The following ROBO1 variants were observed in gnomAD, a reference collection of about 807,000 sequenced individuals.
The protein encoded by ROBO1 is roundabout guidance receptor 1, also known as roundabout homolog 1.
Under a neutral mutation model 195.9 loss-of-function variants are expected in ROBO1, and 149 were observed. That is an observed-to-expected ratio of 0.76 (90% CI 0.67 to 0.87). The LOEUF is 0.87. Ranked by LOEUF, ROBO1 falls within the 40% of genes least tolerant of loss-of-function variation. The probability of loss-of-function intolerance (pLI) is 0.00; values close to 1 mark genes in which losing one functional copy is unlikely to be tolerated. For missense variants in ROBO1, 1,933 were observed against 2,068.3 expected (o/e 0.93, Z 1.27); for synonymous variants, 816 against 733.2 (o/e 1.11, Z -1.82).
chr3:78,911,717 T>G (rs1456113408), intron 4 of ROBO1, among the ~76,000 whole-genome samples: 1 of 152,006 alleles, frequency 6.6e-6, no homozygotes, highest in East Asian at 1.9e-4. Flanking sequence ...TTGTCAAATT[T>G]TTTCCAGTTT....
intron 2 of ROBO1, among the ~76,000 whole-genome samples, chr3:79,227,691 A>C (rs1181147396): frequency 6.6e-6 from 1 of 152,232 alleles, no homozygotes; most frequent in Non-Finnish European, 1.5e-5. Flanking sequence ...GCTTAGTCTA[A>C]GCTACCATTA....
At chr3:78,794,621 A>T (rs930644789) in intron 4 of ROBO1, among the ~76,000 whole-genome samples, 1 of 152,152 alleles carries the variant, frequency 6.6e-6, no homozygotes, top group African/African-American at 2.4e-5. Flanking sequence ...TTTGTCACCC[A>T]GACTGGAGTG....
intron 8 of ROBO1, among the ~76,000 whole-genome samples, chr3:78,702,972 C>T (rs1198836876): frequency 6.6e-6 from 1 of 152,198 alleles, no homozygotes; most frequent in Non-Finnish European, 1.5e-5. Context: ...GAGAGCATTT[C>T]AAATTCTCTG....
intron 1 of ROBO1, among the ~76,000 whole-genome samples, chr3:79,720,054 G>T (rs1195122371): frequency 6.6e-6 from 1 of 152,124 alleles, no homozygotes; most frequent in Admixed American, 6.5e-5. Flanking sequence ...TTTAAAAATA[G>T]TTTTTGAAAT....
intron 3 of ROBO1, among the ~76,000 whole-genome samples, chr3:78,943,975 T>C (rs2040279508): frequency 6.6e-6 from 1 of 152,244 alleles, no homozygotes; most frequent in Non-Finnish European, 1.5e-5. Context: ...ATCATCTTTA[T>C]TAAAAAAGTA....
chr3:79,100,706 T>C (rs115098961), intron 3 of ROBO1, among the ~76,000 whole-genome samples: 3,320 of 151,872 alleles, frequency 0.022, 129 homozygotes, highest in African/African-American at 0.075. Flanking sequence ...GTTCAGGGGA[T>C]TGTGGGCTTT....
chr3:79,707,752 C>T (rs769148992), intron 1 of ROBO1, among the ~76,000 whole-genome samples: 4 of 152,166 alleles, frequency 2.6e-5, no homozygotes, highest in Non-Finnish European at 5.9e-5. Flanking sequence ...TTGTGATCTG[C>T]CCACCTTGGC....
chr3:79,557,802 A>G (rs1942767466), intron 2 of ROBO1, among the ~76,000 whole-genome samples: 1 of 146,618 alleles, frequency 6.8e-6, no homozygotes, highest in Non-Finnish European at 1.5e-5. Context: ...TGTATTTCCC[A>G]TTACACTTAT....
intron 18 of ROBO1, 102 bp from the exon 19 acceptor site, chr3:78,652,031 T>C (rs1342152012): frequency 1.1e-6 from 1 of 946,162 alleles, no homozygotes; most frequent in Middle Eastern, 3.4e-4. Flanking sequence ...GGATAATGAT[T>C]TCTGTTTTTC....
At position 78,866,024 on chromosome 3, in the gene ROBO1, T is replaced by C. The variant is rs149566657; in HGVS notation, c.499+72577A>G. Among the ~76,000 whole-genome samples, 4 of 152,300 alleles carry C rather than the reference T, an allele frequency of 2.6e-5. No homozygotes were observed. In the East Asian group the frequency reaches 7.8e-4, roughly 30 times the overall value. ...TATGTAACAGATGGATTCAGCCAAA[T>C]TCAACTGTAACAAAGATATTTCTTG... On this transcript the variant is annotated intron_variant, in intron 4 of 30. Transcript: ENST00000464233.
chr3:79,285,120 ATTT>A (rs2031805647), intron 2 of ROBO1, among the ~76,000 whole-genome samples: 1 of 152,186 alleles, frequency 6.6e-6, no homozygotes, highest in African/African-American at 2.4e-5. Flanking sequence ...TTTCTCAGTA[ATTT>A]ATAAATCAAC....
intron 4 of ROBO1, among the ~76,000 whole-genome samples, chr3:78,805,832 G>C (rs577794358): frequency 2.0e-5 from 3 of 152,026 alleles, no homozygotes; most frequent in Admixed American, 6.6e-5. Context: ...ACATAGTATA[G>C]TGTAAACATA....
intron 4 of ROBO1, among the ~76,000 whole-genome samples, chr3:78,844,435 A>T (rs1049080722): frequency 3.3e-5 from 5 of 152,110 alleles, no homozygotes; most frequent in Non-Finnish European, 5.9e-5. Context: ...CTATTAGAAA[A>T]GAAGTTTGTG....
chr3:79,188,704 G>C (rs2081486419), intron 2 of ROBO1, among the ~76,000 whole-genome samples: 1 of 151,686 alleles, frequency 6.6e-6, no homozygotes, highest in Non-Finnish European at 1.5e-5. Flanking sequence ...TTTGGCCAAT[G>C]TGTTTGAGTA....
At chr3:79,559,208 A>G (rs1192642572) in intron 2 of ROBO1, among the ~76,000 whole-genome samples, 2 of 152,194 alleles carry the variant, frequency 1.3e-5, no homozygotes, top group Non-Finnish European at 2.9e-5. Context: ...TGATAAGCCT[A>G]TAAAAGCTCA....
intron 8 of ROBO1, among the ~76,000 whole-genome samples, chr3:78,698,502 TA>T (rs1221486408): frequency 6.6e-6 from 1 of 152,192 alleles, no homozygotes; most frequent in African/African-American, 2.4e-5. Context: ...CACCTCCTCT[TA>T]AATATCTCAC....
At chr3:78,888,005 T>G (rs760369575) in intron 4 of ROBO1, among the ~76,000 whole-genome samples, 2 of 152,184 alleles carry the variant, frequency 1.3e-5, no homozygotes, top group African/African-American at 4.8e-5. Flanking sequence ...TTAATCCTCT[T>G]GTCTCACGAG....
chr3:78,638,426 AT>A (rs957863665), intron 22 of ROBO1, among the ~76,000 whole-genome samples: 12 of 151,608 alleles, frequency 7.9e-5, no homozygotes, highest in Non-Finnish European at 1.0e-4. Context: ...TTTTATTTAA[AT>A]TTTTTTGTTA....
At chr3:78,854,839 T>C (rs1053491911) in intron 4 of ROBO1, among the ~76,000 whole-genome samples, 1 of 152,164 alleles carries the variant, frequency 6.6e-6, no homozygotes, top group Non-Finnish European at 1.5e-5. Flanking sequence ...CTAACTTTTA[T>C]AGTTTGCCAA....
Sources: allele counts gnomAD v4.1 joint callset (sites outside exome capture counted in the v4.1 genomes callset), GRCh38; gene constraint gnomAD v4.1.1; transcripts MANE v1.5; gene names NCBI Gene and HGNC (gene_info 2026-07-23, HGNC 2026-07-21).